CD244: variants seen among roughly 807,000 people sequenced by gnomAD.
CD244 encodes CD244 molecule.
Under a neutral mutation model 45.5 loss-of-function variants are expected in CD244, and 20 were observed. The ratio of observed to expected loss-of-function variants is 0.44; its 90% CI spans 0.31 to 0.64. CD244 has a LOEUF of 0.64. CD244 is among the 30% of genes least tolerant of loss of function. The pLI, the probability that CD244 is intolerant of heterozygous loss-of-function variation, is 0.08. For synonymous variants in CD244, 185 were observed against 160.5 expected, an observed-to-expected ratio of 1.15 and a Z score of -1.15; for missense variants, 407 against 426.9, an observed-to-expected ratio of 0.95 and a Z score of 0.41.
rs775845351 is a variant in CD244, at chr1:160,839,011, G to C, written c.694C>G (p.Leu232Val). The C allele has an allele frequency of 1.2e-6, 2 of 1,613,916 alleles. No individual in the cohort carries two copies. Among genetic ancestry groups the C allele is most frequent in the East Asian group, 2.2e-5 (1 of 44,874 alleles). Residue 232 changes from leucine (L) to valine (V), a missense_variant, in exon 4 of 9, where the codon CTA becomes GTA. Leu to Val is a conservative substitution (Grantham distance 32, BLOSUM62 1). Coordinates refer to ENST00000368034, the MANE Select transcript of CD244 (RefSeq NM_016382.4). ...FWPFLVIIVI[L>V]SALFLGTLAC... ...AGGGTGCCAAGGAACAGTGCGCTTA[G>C]AATCACGATGATCACCAAAAACGGC...
At chr1:160,840,721 A>G (rs1004357838) in intron 3 of CD244, among the ~76,000 whole-genome samples, 3 of 152,168 alleles carry the variant, frequency 2.0e-5, no homozygotes, top group East Asian at 3.9e-4. Flanking sequence ...GTGGAACGGT[A>G]ACTCAGGTAA....
chr1:160,862,551 C>G, intron 1 of CD244, 66 bp downstream of exon 1: 1 of 1,448,460 alleles, frequency 6.9e-7, no homozygotes, highest in South Asian at 1.2e-5. Context: ...GGCTCTGGCT[C>G]TGATCTCCCT....
chr1:160,853,987 G>T (rs1351109877), intron 1 of CD244, among the ~76,000 whole-genome samples: 2 of 152,054 alleles, frequency 1.3e-5, no homozygotes, highest in Non-Finnish European at 2.9e-5. Flanking sequence ...AAAAGCCAAG[G>T]CCTGCCTGGT....
chr1:160,852,549 G>A (rs559180986), intron 1 of CD244, among the ~76,000 whole-genome samples: 10 of 152,120 alleles, frequency 6.6e-5, no homozygotes, highest in South Asian at 4.1e-4. Flanking sequence ...ACTTGGTCTC[G>A]AAAATAAATG....
At chr1:160,833,291 A>T (rs937741782) in intron 7 of CD244, among the ~76,000 whole-genome samples, 1 of 152,154 alleles carries the variant, frequency 6.6e-6, no homozygotes, top group Non-Finnish European at 1.5e-5. Context: ...AAAAGTCTGA[A>T]AATCTGTCCT....
intron 1 of CD244, among the ~76,000 whole-genome samples, chr1:160,847,591 T>G (rs999150697): frequency 4.2e-4 from 64 of 152,182 alleles, no homozygotes; most frequent in Non-Finnish European, 5.1e-4. Flanking sequence ...AGAAACATAT[T>G]TCTAAAAACC....
intron 1 of CD244, among the ~76,000 whole-genome samples, chr1:160,859,709 C>A (rs1329215813): frequency 6.6e-6 from 1 of 150,762 alleles, no homozygotes; most frequent in Non-Finnish European, 1.5e-5. Context: ...GAGTTCAAGA[C>A]CACCCTGGGC....
chr1:160,853,050 A>T (rs1307925027), intron 1 of CD244, among the ~76,000 whole-genome samples: 1 of 152,170 alleles, frequency 6.6e-6, no homozygotes, highest in Non-Finnish European at 1.5e-5. Context: ...TGGTGTTTAT[A>T]TCCACTAAAA....
chr1:160,854,759 T>A (rs140139621), intron 1 of CD244, among the ~76,000 whole-genome samples: 1,678 of 152,272 alleles, frequency 0.011, 27 homozygotes, highest in African/African-American at 0.039. Context: ...GGGGTCTTTT[T>A]AAAAATTAGG....
intron 1 of CD244, among the ~76,000 whole-genome samples, chr1:160,851,975 G>A (rs1037809746): frequency 4.6e-5 from 7 of 152,178 alleles, no homozygotes; most frequent in Non-Finnish European, 1.0e-4. Context: ...GAGTGAAAAA[G>A]CAAGCCAAAG....
intron 1 of CD244, chr1:160,848,236 G>A (rs1669802800): frequency 1.8e-6 from 1 of 553,232 alleles, no homozygotes; most frequent in Non-Finnish European, 3.6e-6. Flanking sequence ...CTGGTGGCAA[G>A]TTCATCTATG....
At chr1:160,857,915 T>C (rs1451832908) in intron 1 of CD244, among the ~76,000 whole-genome samples, 3 of 151,616 alleles carry the variant, frequency 2.0e-5, no homozygotes, top group Non-Finnish European at 2.9e-5. Context: ...AGTGTGGTGA[T>C]ACATGCCTGT....
chr1:160,852,548 C>T (rs1176522185), intron 1 of CD244, among the ~76,000 whole-genome samples: 3 of 151,626 alleles, frequency 2.0e-5, no homozygotes, highest in African/African-American at 7.3e-5. Context: ...GACTTGGTCT[C>T]GAAAATAAAT....
intron 7 of CD244, 90 bp from the exon 8 acceptor site, chr1:160,832,665 G>T: frequency 6.3e-7 from 1 of 1,581,328 alleles, no homozygotes; most frequent in South Asian, 1.1e-5. Flanking sequence ...AGAGACTCAG[G>T]GCCCAGAAAA....
intron 1 of CD244, among the ~76,000 whole-genome samples, chr1:160,848,916 G>C (rs1282357573): frequency 6.6e-6 from 1 of 152,190 alleles, no homozygotes; most frequent in Non-Finnish European, 1.5e-5. Flanking sequence ...AGCCACTCCA[G>C]CAAATTAATT....
chr1:160,838,207 G>T (rs1571092149), intron 5 of CD244, among the ~76,000 whole-genome samples: 1 of 152,086 alleles, frequency 6.6e-6, no homozygotes, highest in African/African-American at 2.4e-5. Context: ...TTCTCAGCAG[G>T]TGCAATTCTG....
At chr1:160,831,874 T>C (rs1182284642) in intron 8 of CD244, among the ~76,000 whole-genome samples, 2 of 152,186 alleles carry the variant, frequency 1.3e-5, no homozygotes, top group African/African-American at 4.8e-5. Flanking sequence ...ATGCTCTCCA[T>C]GCCTTAATTT....
Position 160,841,790 on chromosome 1 carries a change from G to C in CD244, c.173C>G (p.Pro58Arg), listed in dbSNP as rs1314270995. The C allele has an allele frequency of 1.9e-6, 3 of 1,614,102 alleles. No homozygotes were observed. Among genetic ancestry groups the C allele is most frequent in the Admixed American group, 3.3e-5 (2 of 60,018 alleles). Residue 58 changes from proline to arginine, a missense_variant, in exon 2 of 9, where the codon CCC becomes CGC. Pro to Arg is a moderately radical substitution (Grantham distance 103). Transcript: ENST00000368034. ...VDSIAWKKLLPSQNGFHHILK... is the reference protein window; with the variant it reads ...VDSIAWKKLLRSQNGFHHILK... ...TATGTGATGAAATCCATTTTGTGAG[G>C]GCAGCAACTTCTTCCATGCAATGCT... is the stretch of plus-strand genomic sequence containing the variant.
intron 1 of CD244, among the ~76,000 whole-genome samples, chr1:160,851,664 A>G (rs1669923486): frequency 6.6e-6 from 1 of 152,184 alleles, no homozygotes; most frequent in South Asian, 2.1e-4. Context: ...TTACATTTTA[A>G]TCTATTTTTA....
Sources: allele counts gnomAD v4.1 joint callset (sites outside exome capture counted in the v4.1 genomes callset), GRCh38; gene constraint gnomAD v4.1.1; transcripts MANE v1.5; gene names NCBI Gene and HGNC (gene_info 2026-07-23, HGNC 2026-07-21).